POLQ: variants seen among roughly 807,000 people sequenced by gnomAD.
POLQ encodes the protein epididymis secretory sperm binding protein.
POLQ carries 233 observed loss-of-function variants against 259.2 expected under a neutral mutation model. The observed-to-expected ratio is 0.90, with a 90% CI of 0.81 to 1.00. POLQ has a LOEUF of 1.00. Among genes scored for constraint, POLQ ranks in the 50% least tolerant of loss-of-function variants. POLQ has a pLI of 0.00. For missense variants in POLQ, 2,871 were observed against 3,051.6 expected (o/e 0.94, Z 1.39); for synonymous variants, 1,025 against 1,048.8 (o/e 0.98, Z 0.44).
chr3:121,452,368 G>A (rs12233510), intron 25 of POLQ, among the ~76,000 whole-genome samples: 87,981 of 151,954 alleles, frequency 0.58, 26,867 homozygotes, highest in East Asian at 0.89. Context: ...CATAGCTTAC[G>A]CTGGGAGCTG....
At chr3:121,495,202 C>T (rs988747078) in intron 14 of POLQ, among the ~76,000 whole-genome samples, 4 of 149,458 alleles carry the variant, frequency 2.7e-5, no homozygotes, top group African/African-American at 7.4e-5. Flanking sequence ...ACTTGGGAGG[C>T]GGGGGTTGTG....
chr3:121,517,332 A>C (rs1268237194), intron 9 of POLQ, among the ~76,000 whole-genome samples: 1 of 152,020 alleles, frequency 6.6e-6, no homozygotes, highest in African/African-American at 2.4e-5. Context: ...AACGTCTCTG[A>C]TGTCAGCTGT....
At chr3:121,456,634 T>C (rs2047741110) in intron 25 of POLQ, among the ~76,000 whole-genome samples, 2 of 151,590 alleles carry the variant, frequency 1.3e-5, no homozygotes, top group Middle Eastern at 6.9e-3. Context: ...CCATTCACAA[T>C]TGCTTCAAAG....
At chr3:121,537,877 T>C (rs1490929379) in intron 4 of POLQ, among the ~76,000 whole-genome samples, 1 of 152,186 alleles carries the variant, frequency 6.6e-6, no homozygotes, top group East Asian at 1.9e-4. Flanking sequence ...ACATTGCAAG[T>C]GATGCAAACT....
intron 15 of POLQ, among the ~76,000 whole-genome samples, chr3:121,492,769 G>A (rs1446619835): frequency 6.7e-6 from 1 of 150,334 alleles, no homozygotes; most frequent in African/African-American, 2.4e-5. Context: ...CCAAGTAGCT[G>A]GGACTATAGG....
intron 15 of POLQ, among the ~76,000 whole-genome samples, chr3:121,491,346 C>A (rs1465724507): frequency 2.1e-4 from 16 of 77,984 alleles, no homozygotes; most frequent in Admixed American, 7.5e-4. Context: ...GAGACTGTCA[C>A]AAAAAAAAAA....
rs1236594830 is a variant in POLQ at position 121,487,567 on chromosome 3, C to A, written c.5364G>T (p.Gly1788=). 6 of 1,613,920 alleles carry A rather than the reference C, an allele frequency of 3.7e-6. No homozygotes were observed. Among genetic ancestry groups the A allele is most frequent in the Non-Finnish European group, 5.1e-6 (6 of 1,179,984 alleles). Residue 1788 remains glycine, a synonymous_variant, in exon 16 of 30, where the codon GGG becomes GGT. Coordinates refer to ENST00000264233, the MANE Select transcript of POLQ (RefSeq NM_199420.4). ...TGTTGTCTTTGAACCCATTTCTACT[C>A]CCTGGACTTAAATCGTGGTTTTTAA... ...SDIKNHDLSP[G]SRNGFKDNSP... is the part of the protein sequence containing the mutation.
chr3:121,541,527 G>C (rs2108822373), intron 2 of POLQ, 48 bp from the exon 3 acceptor site: 1 of 1,503,922 alleles, frequency 6.6e-7, no homozygotes, highest in South Asian at 1.2e-5. Flanking sequence ...GTAATATTCG[G>C]TACAATTCAT....
chr3:121,538,902 T>C (rs748070480), intron 4 of POLQ, among the ~76,000 whole-genome samples: 4 of 152,170 alleles, frequency 2.6e-5, no homozygotes, highest in East Asian at 1.9e-4. Flanking sequence ...TCTATTCCTG[T>C]TGCTACCTCT....
rs890301724 is a variant in POLQ at position 121,536,509 on chromosome 3, T to TTA, written c.740+589_740+590dup. Among the ~76,000 whole-genome samples the TTA allele has an allele frequency of 6.3e-4, 96 of 151,684 alleles. 3 individuals are homozygous for TTA. In the South Asian group the frequency reaches 0.016, roughly 25 times the overall value. ...TTTTTTTCAAAATTAGCCTGACTAC[T>TTA]TATATATATATAGATGACAAATACA... On this transcript the variant is annotated intron_variant, in intron 5 of 29. Transcript: ENST00000264233.
chr3:121,529,686 A>G lies in POLQ; in HGVS notation c.1067T>C (p.Ile356Thr), dbSNP rs1243543586. 8 of 1,613,636 alleles carry G rather than the reference A, an allele frequency of 5.0e-6. No individual in the cohort carries two copies. The highest frequency in any genetic ancestry group is 1.3e-5 in the African/African-American group (1 of 75,042). The change falls in exon 7 of 30, where the codon ATC becomes ACC. Residue 356 changes from isoleucine (I) to threonine (T), a missense_variant. Physicochemically the swap from Ile to Thr is moderately conservative, Grantham distance 89. Transcript: ENST00000264233. ...TAGATTATAAAACTCTCGAGCAATG[A>G]TATCTGCCAGCTTCTCACACCATTT... ...SKKWCEKLAD[I>T]IAREFYNLHH... is the part of the protein sequence containing the mutation.
intron 12 of POLQ, among the ~76,000 whole-genome samples, chr3:121,507,815 A>AT (rs2048221101): frequency 6.6e-6 from 1 of 152,078 alleles, no homozygotes; most frequent in African/African-American, 2.4e-5. Flanking sequence ...CTAAATTCCT[A>AT]TAACTTTTTC....
At chr3:121,455,087 A>C (rs1374223162) in intron 25 of POLQ, among the ~76,000 whole-genome samples, 1 of 151,776 alleles carries the variant, frequency 6.6e-6, no homozygotes, top group Non-Finnish European at 1.5e-5. Context: ...CTCACTCAAA[A>C]CCACTCAACT....
intron 16 of POLQ, among the ~76,000 whole-genome samples, chr3:121,486,282 G>A (rs893519990): frequency 1.3e-5 from 2 of 152,242 alleles, no homozygotes; most frequent in Non-Finnish European, 2.9e-5. Flanking sequence ...CGGGCATGGT[G>A]GCTCACGCCT....
rs2048238332 is a variant in POLQ, at chr3:121,509,804, TA to T, written c.1817-102del. On this transcript the variant is annotated intron_variant, in intron 11 of 29. Coordinates refer to ENST00000264233, the MANE Select transcript of POLQ (RefSeq NM_199420.4). ...TTTCCATGCTAACCCTCCCGGCTGA[TA>T]AATTTTACAAATAGTACCTTATCCA... 4 of 1,205,514 alleles carry T rather than the reference TA, an allele frequency of 3.3e-6. No homozygotes were observed. In the Admixed American group the frequency reaches 6.9e-5, roughly 21 times the overall value. The allele number at this position is 1,205,514 out of a possible 1,614,324, so 74.7% of individuals were successfully genotyped here.
Position 121,436,236 on chromosome 3 carries a change from C to T in POLQ, c.7429G>A (p.Ala2477Thr). The T allele has an allele frequency of 6.2e-7, 1 of 1,613,836 alleles. No individual in the cohort carries two copies. The highest frequency in any genetic ancestry group is 1.1e-5 in the South Asian group (1 of 91,076). The change falls in exon 28 of 30, where the codon GCA becomes ACA. Residue 2477 changes from alanine (A) to threonine (T), a missense_variant. By Grantham distance (58) the Ala-to-Thr change is moderately conservative (BLOSUM62 0). Transcript: ENST00000264233. ...GTGGCTATTTTGACAATATCAGCTG[C>T]TGATCCTTGGACTATTGTGTTGATA... Reference protein sequence around the residue: ...QAINTIVQGSAADIVKIATVN... With the variant: ...QAINTIVQGSTADIVKIATVN...
At position 121,539,686 on chromosome 3, in the gene POLQ, G is replaced by A. The variant is rs2048477092; in HGVS notation, c.475-97C>T. 7.0e-6 allele frequency: 6 copies of A among 853,332 alleles called. No individual in the cohort carries two copies. The South Asian group carries it at 9.1e-5, about 13-fold the overall frequency. 52.9% of individuals were successfully genotyped at this position (853,332 alleles called of 1,614,324 possible). ...CAGAACATAGACATAAGTATCTAAA[G>A]ACATCTACCAGATTACTGTCATCAG... is the stretch of plus-strand genomic sequence containing the variant. On this transcript the variant is annotated intron_variant, in intron 3 of 29. Coordinates refer to ENST00000264233, the MANE Select transcript of POLQ (RefSeq NM_199420.4).
rs774185122 is a variant in POLQ, at chr3:121,489,312, T to C, written c.3619A>G (p.Ile1207Val). 4 of 1,613,866 alleles carry C rather than the reference T, an allele frequency of 2.5e-6. No individual in the cohort carries two copies. The highest frequency in any genetic ancestry group is 1.7e-4 in the Middle Eastern group (1 of 6,060). The part of the protein sequence containing the change: ...RKQSHEQTST[I>V]TKQKNIIERQ... ...TCTATTATATTTTTCTGTTTGGTAA[T>C]AGTGCTTGTCTGTTCATGAGATTGC... Residue 1207 changes from isoleucine to valine, a missense_variant, in exon 16 of 30, where the codon ATT (isoleucine) becomes GTT (valine). Physicochemically the swap from Ile to Val is conservative, Grantham distance 29. Transcript: ENST00000264233.
rs1308193598 is a variant in POLQ, at chr3:121,451,897, G to GAGGC, written c.7153-2475_7153-2472dup. ...CCTGCCCCCAGAGGTGGAGTCTACA[G>GAGGC]AGGCAGGCAGGCGTCCTTGAGCTGT... is the stretch of plus-strand genomic sequence containing the variant. On this transcript the variant is annotated intron_variant, in intron 25 of 29. Coordinates refer to ENST00000264233, the MANE Select transcript of POLQ (RefSeq NM_199420.4). Among the ~76,000 whole-genome samples the GAGGC allele has an allele frequency of 2.6e-5, 4 of 152,346 alleles. No individual in the cohort carries two copies. The East Asian group carries it at 7.7e-4, about 29-fold the overall frequency.
Sources: allele counts gnomAD v4.1 joint callset (sites outside exome capture counted in the v4.1 genomes callset), GRCh38; gene constraint gnomAD v4.1.1; transcripts MANE v1.5; gene names NCBI Gene and HGNC (gene_info 2026-07-23, HGNC 2026-07-21).